The following CTNNA3 variants were observed in gnomAD, a reference collection of about 807,000 sequenced individuals.
CTNNA3 encodes catenin alpha-3.
A neutral mutation model predicts 95.7 loss-of-function variants in CTNNA3; 76 were observed. The ratio of observed to expected loss-of-function variants is 0.79; its 90% CI spans 0.66 to 0.96. CTNNA3 has a LOEUF of 0.96. CTNNA3 is among the 40% of genes least tolerant of loss of function. The pLI is 0.00. For missense variants in CTNNA3, 1,191 were observed against 1,089.8 expected (o/e 1.09, Z -1.31); for synonymous variants, 431 against 374.4 (o/e 1.15, Z -1.74).
chr10:66,854,743 AT>A (rs34752190), intron 7 of CTNNA3, among the ~76,000 whole-genome samples: 67 of 147,930 alleles, frequency 4.5e-4, no homozygotes, highest in Admixed American at 6.1e-4. Context: ...AGAAAATGTC[AT>A]TTTTTTTTTT....
At chr10:66,937,732 A>G (rs1250172435) in intron 7 of CTNNA3, among the ~76,000 whole-genome samples, 1 of 152,088 alleles carries the variant, frequency 6.6e-6, no homozygotes, top group Non-Finnish European at 1.5e-5. Flanking sequence ...AAAGTAGCCC[A>G]TGCTTCCCAA....
At chr10:66,116,020 G>A (rs921649835) in intron 13 of CTNNA3, among the ~76,000 whole-genome samples, 1 of 152,126 alleles carries the variant, frequency 6.6e-6, no homozygotes, top group Non-Finnish European at 1.5e-5. Context: ...TAAGTTGGCA[G>A]CTTATATATA....
At chr10:66,503,990 T>G (rs1472997882) in intron 11 of CTNNA3, among the ~76,000 whole-genome samples, 1 of 152,196 alleles carries the variant, frequency 6.6e-6, no homozygotes, top group Non-Finnish European at 1.5e-5. Context: ...TATGTATATA[T>G]TATAGAATGG....
At chr10:67,424,310 T>G (rs1218857493) in intron 5 of CTNNA3, among the ~76,000 whole-genome samples, 1 of 152,142 alleles carries the variant, frequency 6.6e-6, no homozygotes, top group Non-Finnish European at 1.5e-5. Context: ...AATCCTCTTG[T>G]CATTGTAACA....
At chr10:67,205,925 C>T (rs983397865) in intron 6 of CTNNA3, among the ~76,000 whole-genome samples, 8 of 152,230 alleles carry the variant, frequency 5.3e-5, no homozygotes, top group African/African-American at 1.7e-4. Context: ...AGCTTTTCAA[C>T]CCAAGGATGA....
At chr10:66,532,285 AC>A (rs1841493816) in intron 10 of CTNNA3, among the ~76,000 whole-genome samples, 1 of 151,916 alleles carries the variant, frequency 6.6e-6, no homozygotes, top group Admixed American at 6.6e-5. Flanking sequence ...ACATGGTGAA[AC>A]CCCGTCTCTA....
chr10:67,440,874 C>G (rs1227421252), intron 5 of CTNNA3, among the ~76,000 whole-genome samples: 1 of 152,022 alleles, frequency 6.6e-6, no homozygotes, highest in Non-Finnish European at 1.5e-5. Flanking sequence ...AAATACCTAA[C>G]TCTTCAATGC....
At chr10:67,041,435 T>C (rs1854391054) in intron 7 of CTNNA3, among the ~76,000 whole-genome samples, 1 of 152,142 alleles carries the variant, frequency 6.6e-6, no homozygotes. Flanking sequence ...ATGTTGCAAA[T>C]ATCACCAGAA....
intron 11 of CTNNA3, among the ~76,000 whole-genome samples, chr10:66,422,139 ATTCTT>A (rs1027320516): frequency 9.2e-5 from 14 of 151,952 alleles, no homozygotes; most frequent in African/African-American, 3.4e-4. Context: ...GCACAAATAT[ATTCTT>A]TACTTTATAA....
At chr10:67,056,028 T>C (rs1404515778) in intron 7 of CTNNA3, among the ~76,000 whole-genome samples, 2 of 152,228 alleles carry the variant, frequency 1.3e-5, no homozygotes, top group East Asian at 3.9e-4. Context: ...GTAATATATG[T>C]ATATTATATT....
At chr10:65,960,543 T>TCGCTAGAGCTTAGTTTGTACATGTG (rs2077822563) in intron 17 of CTNNA3, among the ~76,000 whole-genome samples, 1 of 152,070 alleles carries the variant, frequency 6.6e-6, no homozygotes, top group African/African-American at 2.4e-5. Context: ...AAAAAAAGAT[T>TCGCTAGAGCTTAGTTTGTACATGTG]CAGGGGGTAC....
At position 67,521,848 on chromosome 10, in the gene CTNNA3, A is replaced by G. The variant is rs781331798; in HGVS notation, c.573T>C (p.Arg191=). 5.0e-6 allele frequency: 8 copies of G among 1,613,480 alleles called. No individual in the cohort carries two copies. Among genetic ancestry groups the G allele is most frequent in the Admixed American group, 1.7e-5 (1 of 59,958 alleles). ...LENLDYLAFK[R]QQDLKSPNQR... Reference sequence around the variant, plus strand: ...GGAGAGCTCTGACTCCTACCTGCTGACGTTTGAAGGCTAAATAATCCAAAT... The same window carrying G: ...GGAGAGCTCTGACTCCTACCTGCTGGCGTTTGAAGGCTAAATAATCCAAAT... The change falls in exon 5 of 18, where the codon CGT becomes CGC. Residue 191 remains arginine, a synonymous_variant. Coordinates refer to ENST00000433211, the MANE Select transcript of CTNNA3 (RefSeq NM_013266.4).
intron 9 of CTNNA3, among the ~76,000 whole-genome samples, chr10:66,624,416 A>G (rs1049983330): frequency 1.3e-5 from 2 of 152,176 alleles, no homozygotes; most frequent in Admixed American, 1.3e-4. Flanking sequence ...AAAGAAAAAA[A>G]GAAATTTCAT....
chr10:67,010,003 G>T (rs1186917852), intron 7 of CTNNA3, among the ~76,000 whole-genome samples: 1 of 152,098 alleles, frequency 6.6e-6, no homozygotes, highest in Non-Finnish European at 1.5e-5. Context: ...TGTCCTGGAG[G>T]CTTTAGGGAT....
intron 11 of CTNNA3, among the ~76,000 whole-genome samples, chr10:66,416,667 T>C (rs1311450064): frequency 6.6e-6 from 1 of 151,834 alleles, no homozygotes; most frequent in Non-Finnish European, 1.5e-5. Flanking sequence ...GTATTCAAAA[T>C]GCTGAAAGAA....
chr10:66,800,915 C>T (rs545768593), intron 7 of CTNNA3, among the ~76,000 whole-genome samples: 74 of 151,270 alleles, frequency 4.9e-4, no homozygotes, highest in Middle Eastern at 3.4e-3. Context: ...CAAAAGATAT[C>T]GTAAGTCTTA....
chr10:66,568,754 C>A (rs1842784282), intron 10 of CTNNA3, among the ~76,000 whole-genome samples: 1 of 151,540 alleles, frequency 6.6e-6, no homozygotes, highest in South Asian at 2.1e-4. Flanking sequence ...TCTGCTTGTA[C>A]CAAATCAGAT....
rs1847022614 is a variant in CTNNA3 at position 66,925,587 on chromosome 10, T to C, written c.1048-150063A>G. On this transcript the variant is annotated intron_variant, in intron 7 of 17. Transcript: ENST00000433211. The stretch of plus-strand genomic sequence containing the variant: ...CCAAAATGTTTGTGTTCTAACATCC[T>C]GAGACACCTTGCATAATATAATCAC... 2.0e-5 allele frequency among the ~76,000 whole-genome samples: 3 copies of C among 152,218 alleles called. No homozygotes were observed. The South Asian group carries it at 6.2e-4, about 31-fold the overall frequency.
intron 13 of CTNNA3, among the ~76,000 whole-genome samples, chr10:66,213,934 A>G (rs1292380837): frequency 1.3e-5 from 2 of 152,206 alleles, no homozygotes; most frequent in East Asian, 3.8e-4. Context: ...AATTGTTTTA[A>G]AAGAGTCACT....
Sources: allele counts gnomAD v4.1 joint callset (sites outside exome capture counted in the v4.1 genomes callset), GRCh38; gene constraint gnomAD v4.1.1; transcripts MANE v1.5; gene names NCBI Gene and HGNC (gene_info 2026-07-23, HGNC 2026-07-21).